The following TFDP2 variants were observed in gnomAD, a reference collection of about 807,000 sequenced individuals.
TFDP2 encodes the protein transcription factor Dp-2 (E2F dimerization partner 2).
TFDP2 carries 17 observed loss-of-function variants against 59.3 expected under a neutral mutation model. The observed-to-expected ratio is 0.29, with a 90% CI of 0.20 to 0.43. The LOEUF is 0.43. TFDP2 is among the 20% of genes least tolerant of loss of function. TFDP2 has a pLI of 1.00. For synonymous variants in TFDP2, 180 were observed against 194.7 expected (o/e 0.92, Z 0.63); for missense variants, 391 against 528.8 (o/e 0.74, Z 2.56).
chr3:142,034,870 G>C (rs1307251412), intron 3 of TFDP2, among the ~76,000 whole-genome samples: 1 of 152,064 alleles, frequency 6.6e-6, no homozygotes, highest in Non-Finnish European at 1.5e-5. Context: ...ACCACACCCA[G>C]CTAATTTTTG....
At chr3:142,060,324 A>T (rs1020772449) in intron 3 of TFDP2, among the ~76,000 whole-genome samples, 2 of 152,226 alleles carry the variant, frequency 1.3e-5, no homozygotes, top group Admixed American at 6.5e-5. Flanking sequence ...TAACTTTCTC[A>T]TATCCATCTT....
chr3:142,050,274 A>AT (rs1947548606), intron 3 of TFDP2, among the ~76,000 whole-genome samples: 2 of 150,478 alleles, frequency 1.3e-5, no homozygotes, highest in Non-Finnish European at 3.0e-5. Context: ...AAAAAAAAAA[A>AT]AATAATAAAA....
At chr3:142,129,629 A>G (rs930977893) in intron 1 of TFDP2, among the ~76,000 whole-genome samples, 5 of 152,066 alleles carry the variant, frequency 3.3e-5, no homozygotes, top group Non-Finnish European at 5.9e-5. Flanking sequence ...AACCCAAACA[A>G]CCAGATTAAA....
rs571737761 is a variant in TFDP2 at position 141,993,467 on chromosome 3, A to G, written c.356+71T>C. The G allele has an allele frequency of 4.4e-6, 4 of 909,900 alleles. No individual in the cohort carries two copies. In the African/African-American group the frequency reaches 6.8e-5, roughly 16 times the overall value. 56.4% of individuals were successfully genotyped at this position (909,900 alleles called of 1,614,324 possible). A position where few individuals can be genotyped will look rare whatever the true frequency, so the allele number is the denominator to read the frequency against. On this transcript the variant is annotated intron_variant, in intron 6 of 12. Coordinates refer to ENST00000489671, the MANE Select transcript of TFDP2 (RefSeq NM_001178139.2). Reference sequence around the variant, plus strand: ...GAAGAAAAACATCGCATTAAACCAGAGCAGTGGCAATGCCAACAGCCTCTC... The same window carrying G: ...GAAGAAAAACATCGCATTAAACCAGGGCAGTGGCAATGCCAACAGCCTCTC...
At chr3:142,032,661 T>TC (rs985622457) in intron 3 of TFDP2, among the ~76,000 whole-genome samples, 1 of 152,158 alleles carries the variant, frequency 6.6e-6, no homozygotes, top group Admixed American at 6.6e-5. Flanking sequence ...AACCCACTCA[T>TC]CCTCCTAGGT....
intron 1 of TFDP2, among the ~76,000 whole-genome samples, chr3:142,142,829 A>G (rs55866605): frequency 0.083 from 12,669 of 152,324 alleles, 652 homozygotes; most frequent in Middle Eastern, 0.14. Context: ...TTCCACAAAG[A>G]TGCCAAGAAC....
At chr3:142,032,145 G>A (rs941043947) in intron 3 of TFDP2, among the ~76,000 whole-genome samples, 1 of 151,418 alleles carries the variant, frequency 6.6e-6, no homozygotes, top group Non-Finnish European at 1.5e-5. Context: ...CATGCAGGCT[G>A]GAGTTGATGT....
At chr3:142,087,656 A>G (rs992615264) in intron 3 of TFDP2, among the ~76,000 whole-genome samples, 3 of 151,942 alleles carry the variant, frequency 2.0e-5, no homozygotes, top group Admixed American at 6.6e-5. Flanking sequence ...ACACGCCACC[A>G]TACCAGCTAA....
At chr3:142,008,907 T>A (rs1247895844) in intron 3 of TFDP2, among the ~76,000 whole-genome samples, 1 of 152,188 alleles carries the variant, frequency 6.6e-6, no homozygotes, top group Admixed American at 6.5e-5. Context: ...TTAGTGACCC[T>A]ATTTTGTACA....
At chr3:142,056,620 C>G (rs1160903164) in intron 3 of TFDP2, among the ~76,000 whole-genome samples, 1 of 152,128 alleles carries the variant, frequency 6.6e-6, no homozygotes, top group Non-Finnish European at 1.5e-5. Flanking sequence ...GAAAAAGCAT[C>G]TCAGAATAAA....
intron 3 of TFDP2, among the ~76,000 whole-genome samples, chr3:142,014,976 C>T (rs1945019096): frequency 6.6e-6 from 1 of 152,208 alleles, no homozygotes; most frequent in Non-Finnish European, 1.5e-5. Context: ...TTTTCCCCCA[C>T]AATTCCACTG....
chr3:142,020,359 C>T (rs1945491448), intron 3 of TFDP2, among the ~76,000 whole-genome samples: 1 of 152,052 alleles, frequency 6.6e-6, no homozygotes, highest in Non-Finnish European at 1.5e-5. Context: ...CATGGTGAAA[C>T]CCTGCCTCTA....
At chr3:142,027,630 A>G (rs1946191331) in intron 3 of TFDP2, among the ~76,000 whole-genome samples, 1 of 152,212 alleles carries the variant, frequency 6.6e-6, no homozygotes, top group East Asian at 1.9e-4. Context: ...ATTGAACTTC[A>G]AAGAATGACT....
chr3:142,081,211 C>G lies in TFDP2; in HGVS notation c.82+11850G>C, dbSNP rs571755600. Among the ~76,000 whole-genome samples, 145 of 152,096 alleles carry G rather than the reference C, an allele frequency of 9.5e-4. 1 individual carries two copies. Among genetic ancestry groups the G allele is most frequent in the African/African-American group, 3.4e-3 (142 of 41,524 alleles). ...TAGAAACTGTACAAAGATATGGAAA[C>G]TGAACAATATGCTACCAGTTGACCA... On this transcript the variant is annotated intron_variant, in intron 3 of 12. Transcript: ENST00000489671.
At chr3:142,079,050 A>C (rs954436232) in intron 3 of TFDP2, among the ~76,000 whole-genome samples, 1 of 152,020 alleles carries the variant, frequency 6.6e-6, no homozygotes, top group African/African-American at 2.4e-5. Context: ...AGAATTGATC[A>C]AGCAGAAGAA....
intron 1 of TFDP2, among the ~76,000 whole-genome samples, chr3:142,105,260 ACTATTGCCTACCCAATAT>A (rs2061435366): frequency 6.6e-6 from 1 of 152,244 alleles, no homozygotes; most frequent in Non-Finnish European, 1.5e-5. Context: ...CAAAGCAAAT[ACTATTGCCTACCCAATAT>A]CATTTTCCTC....
At chr3:141,961,263 A>G in intron 10 of TFDP2, among the ~76,000 whole-genome samples, 1 of 59,664 alleles carries the variant, frequency 1.7e-5, no homozygotes, top group South Asian at 5.1e-4. Context: ...TTTTTTTTTG[A>G]GACAGAGTCT....
chr3:141,981,249 T>C (rs78907381), intron 6 of TFDP2, among the ~76,000 whole-genome samples: 89 of 152,318 alleles, frequency 5.8e-4, no homozygotes, highest in African/African-American at 2.0e-3. Flanking sequence ...ACCAGTAACA[T>C]GCTGTGCAGG....
At chr3:142,138,555 T>C (rs1277921281) in intron 1 of TFDP2, among the ~76,000 whole-genome samples, 2 of 152,230 alleles carry the variant, frequency 1.3e-5, no homozygotes, top group Admixed American at 1.3e-4. Context: ...TCCCAGAGAT[T>C]CTGGTACATT....
Sources: allele counts gnomAD v4.1 joint callset (sites outside exome capture counted in the v4.1 genomes callset), GRCh38; gene constraint gnomAD v4.1.1; transcripts MANE v1.5; gene names NCBI Gene and HGNC (gene_info 2026-07-23, HGNC 2026-07-21).